Variants in PDE11A observed in about 807,000 individuals in gnomAD.
PDE11A encodes the protein phosphodiesterase 11A.
Under a neutral mutation model 100.5 loss-of-function variants are expected in PDE11A, and 100 were observed. That is an observed-to-expected ratio of 1.00 (90% CI 0.85 to 1.18). PDE11A has a LOEUF of 1.18. Ranked by LOEUF, PDE11A falls within the 50% of genes most tolerant of loss-of-function variation. The probability of loss-of-function intolerance (pLI) is 0.00; values close to 1 mark genes in which losing one functional copy is unlikely to be tolerated. For missense variants in PDE11A, 1,141 were observed against 1,152.6 expected, an observed-to-expected ratio of 0.99 and a Z score of 0.15; for synonymous variants, 381 against 420.8, an observed-to-expected ratio of 0.91 and a Z score of 1.16.
intron 19 of PDE11A, among the ~76,000 whole-genome samples, chr2:177,663,345 G>A (rs1342207994): frequency 1.3e-5 from 2 of 150,494 alleles, no homozygotes; most frequent in African/African-American, 2.5e-5. Flanking sequence ...TGGAAGGTGC[G>A]TCACAAAACC....
At chr2:178,074,461 G>A (rs779051597), upstream of PDE11A, among the ~76,000 whole-genome samples, 3 of 152,136 alleles carry the variant, frequency 2.0e-5, no homozygotes, top group Non-Finnish European at 4.4e-5. Flanking sequence ...TGTGCACGGA[G>A]ACAAGAAAAG....
At chr2:177,951,997 G>A (rs372746351) in intron 2 of PDE11A, among the ~76,000 whole-genome samples, 113 of 152,288 alleles carry the variant, frequency 7.4e-4, no homozygotes, top group African/African-American at 2.7e-3. Flanking sequence ...ATGTTGGTTT[G>A]CTGCACCCAT....
chr2:177,830,822 G>A (rs975073709), intron 6 of PDE11A, among the ~76,000 whole-genome samples: 1 of 151,674 alleles, frequency 6.6e-6, no homozygotes, highest in African/African-American at 2.4e-5. Context: ...ATAAACATGA[G>A]GGTTTCTTGT....
chr2:177,850,061 G>A (rs2105645432), intron 5 of PDE11A, among the ~76,000 whole-genome samples: 1 of 152,270 alleles, frequency 6.6e-6, no homozygotes, highest in East Asian at 1.9e-4. Flanking sequence ...AACCAAAAAA[G>A]AGCCCACATT....
chr2:177,712,342 C>CT (rs35906687), intron 12 of PDE11A, among the ~76,000 whole-genome samples: 77,715 of 139,778 alleles, frequency 0.56, 22,354 homozygotes, highest in East Asian at 0.88. Context: ...CACAACCCTT[C>CT]TTTTTTTTTT....
rs551290380 is a variant in PDE11A, at chr2:178,069,580, G to A, written c.912+1946C>T. On this transcript the variant is annotated intron_variant, in intron 1 of 19. Coordinates refer to ENST00000286063, the MANE Select transcript of PDE11A (RefSeq NM_016953.4). The stretch of plus-strand genomic sequence containing the variant: ...GTGGCCATCATTACTACTCTGGGGG[G>A]AAAAGGGAAAAAAAAAAACTCCTCT... Among the ~76,000 whole-genome samples the A allele has an allele frequency of 5.3e-3, 793 of 149,040 alleles. 5 individuals carry two copies. Among genetic ancestry groups the A allele is most frequent in the Non-Finnish European group, 9.1e-3 (607 of 66,646 alleles).
rs1007402140 is a variant in PDE11A, at chr2:177,787,056, C to T, written c.1738-17683G>A. Among the ~76,000 whole-genome samples, 8 of 141,380 alleles carry T rather than the reference C, an allele frequency of 5.7e-5. No individual in the cohort carries two copies. In the South Asian group the frequency reaches 9.4e-4, roughly 17 times the overall value. The allele number at this position is 141,380 out of a possible 152,430, so 92.8% of individuals were successfully genotyped here. A position where few individuals can be genotyped will look rare whatever the true frequency, so the allele number is the denominator to read the frequency against. ...CAGAGAACGCCACAAAGATACTCTT[C>T]GAGAAGAGCAACTCCAAGACAAATA... On this transcript the variant is annotated intron_variant, in intron 9 of 19. Coordinates refer to ENST00000286063, the MANE Select transcript of PDE11A (RefSeq NM_016953.4).
rs2085988132 is a variant in PDE11A, at chr2:177,990,432, G to T, written c.1071+23870C>A. Among the ~76,000 whole-genome samples, 4 of 151,966 alleles carry T rather than the reference G, an allele frequency of 2.6e-5. No individual in the cohort carries two copies. In the South Asian group the frequency reaches 6.2e-4, roughly 24 times the overall value. Reference sequence around the variant, plus strand: ...TAATTTTTCAGAGTTACAAGTATCTGGGGGGGATAGTTTCAAAAAGTATTT... The same window carrying T: ...TAATTTTTCAGAGTTACAAGTATCTTGGGGGGATAGTTTCAAAAAGTATTT... On this transcript the variant is annotated intron_variant, in intron 2 of 19. Transcript: ENST00000286063.
At chr2:177,818,929 A>G (rs2083089363) in intron 7 of PDE11A, among the ~76,000 whole-genome samples, 1 of 149,762 alleles carries the variant, frequency 6.7e-6, no homozygotes, top group African/African-American at 2.5e-5. Context: ...CCCACCAGGG[A>G]GGTAAGTCAT....
At chr2:177,818,204 A>G (rs993759593) in intron 7 of PDE11A, among the ~76,000 whole-genome samples, 2 of 151,812 alleles carry the variant, frequency 1.3e-5, no homozygotes, top group Non-Finnish European at 2.9e-5. Flanking sequence ...ACTCTAATAT[A>G]TTGCCCATAT....
intron 2 of PDE11A, among the ~76,000 whole-genome samples, chr2:178,097,559 G>A (rs1331935884): frequency 6.6e-6 from 1 of 152,180 alleles, no homozygotes; most frequent in African/African-American, 2.4e-5. Flanking sequence ...CTCGACATGT[G>A]AGGATTATGG....
In PDE11A at chr2:178,027,986, T is replaced by G. The variant is rs891851950; in HGVS notation, c.913-13526A>C. 2.0e-5 allele frequency among the ~76,000 whole-genome samples: 3 copies of G among 152,084 alleles called. No homozygotes were observed. The South Asian group carries it at 6.2e-4, about 32-fold the overall frequency. ...TTTGTAAAAGATTGCTGTGAACAAG[T>G]CCTCCAGCCACAGCAGTGTGTTCCA... is the stretch of plus-strand genomic sequence containing the variant. On this transcript the variant is annotated intron_variant, in intron 1 of 19. Coordinates refer to ENST00000286063, the MANE Select transcript of PDE11A (RefSeq NM_016953.4).
At chr2:178,031,551 T>A (rs1385103509) in intron 1 of PDE11A, among the ~76,000 whole-genome samples, 1 of 152,116 alleles carries the variant, frequency 6.6e-6, no homozygotes, top group African/African-American at 2.4e-5. Context: ...TTAAATATAC[T>A]GTTTAAAATA....
intron 18 of PDE11A, among the ~76,000 whole-genome samples, chr2:177,666,775 CT>C (rs2080594170): frequency 6.6e-6 from 1 of 151,742 alleles, no homozygotes; most frequent in African/African-American, 2.4e-5. Flanking sequence ...TATAATAGTT[CT>C]TTTTATCTTC....
intron 4 of PDE11A, among the ~76,000 whole-genome samples, chr2:177,883,036 A>G (rs2084368585): frequency 6.6e-6 from 1 of 152,132 alleles, no homozygotes; most frequent in Admixed American, 6.5e-5. Context: ...TTGGGAAGTC[A>G]AGGTGGGTAG....
intron 2 of PDE11A, among the ~76,000 whole-genome samples, chr2:177,918,063 G>C (rs2084980420): frequency 6.6e-6 from 1 of 152,160 alleles, no homozygotes; most frequent in South Asian, 2.1e-4. Flanking sequence ...CATTCTTAAT[G>C]GATAGCCTTG....
At chr2:177,808,160 G>C (rs1280720262) in intron 9 of PDE11A, among the ~76,000 whole-genome samples, 1 of 152,170 alleles carries the variant, frequency 6.6e-6, no homozygotes, top group Non-Finnish European at 1.5e-5. Flanking sequence ...GATCTAATTT[G>C]TAGGCAATGG....
rs748778493 is a variant in PDE11A at position 178,037,407 on chromosome 2, G to A, written c.913-22947C>T. Among the ~76,000 whole-genome samples, 96 of 152,034 alleles carry A rather than the reference G, an allele frequency of 6.3e-4. 1 individual carries two copies. The highest frequency in any genetic ancestry group is 2.1e-4 in the South Asian group (1 of 4,808). ...AGAGGCGGTGGAGAAATAGAAACAC[G>A]TTTACACCATTGGTGGGAGTGTAAA... On this transcript the variant is annotated intron_variant, in intron 1 of 19. Transcript: ENST00000286063.
chr2:178,073,168 A>C, upstream of PDE11A: 3 of 634,496 alleles, frequency 4.7e-6, no homozygotes, highest in Non-Finnish European at 5.9e-6. Context: ...ACTCCGAGGA[A>C]TCGAGAGTGT....
Sources: gnomAD v4.1 joint callset for allele counts (sites outside exome capture counted in the v4.1 genomes callset) on GRCh38, gnomAD v4.1.1 for gene constraint, MANE v1.5 for transcripts, NCBI Gene and HGNC (gene_info 2026-07-23, HGNC 2026-07-21) for gene names.